The following ADGRL2 variants were observed in gnomAD, a reference collection of about 807,000 sequenced individuals.
ADGRL2 encodes the protein calcium-independent alpha-latrotoxin receptor 2.
In ADGRL2, 44 loss-of-function variants were observed where a neutral mutation model predicts 157.4. The ratio of observed to expected loss-of-function variants is 0.28; its 90% CI spans 0.22 to 0.36. The LOEUF is 0.36. ADGRL2 is among the 10% of genes least tolerant of loss of function. The probability of loss-of-function intolerance (pLI) is 1.00; values close to 1 mark genes in which losing one functional copy is unlikely to be tolerated. For missense variants in ADGRL2, 1,510 were observed against 1,768.9 expected, an observed-to-expected ratio of 0.85 and a Z score of 2.63; for synonymous variants, 585 against 624.7, an observed-to-expected ratio of 0.94 and a Z score of 0.95.
chr1:81,447,218 T>G (rs2101713925), intron 2 of ADGRL2, among the ~76,000 whole-genome samples: 1 of 152,190 alleles, frequency 6.6e-6, no homozygotes, highest in South Asian at 2.1e-4. Flanking sequence ...CTTACGTGAA[T>G]TTTTTTCTTT....
chr1:81,532,965 TATCTATC>T (rs1387038718), intron 2 of ADGRL2, among the ~76,000 whole-genome samples: 2 of 150,060 alleles, frequency 1.3e-5, no homozygotes, highest in Middle Eastern at 3.2e-3. Context: ...TCTATCTATC[TATCTATC>T]ATCTATCTAT....
At chr1:81,461,770 A>G (rs1371819898) in intron 2 of ADGRL2, among the ~76,000 whole-genome samples, 1 of 152,196 alleles carries the variant, frequency 6.6e-6, no homozygotes, top group Non-Finnish European at 1.5e-5. Flanking sequence ...ATAGCTCTGT[A>G]AAACAGGCCA....
intron 2 of ADGRL2, among the ~76,000 whole-genome samples, chr1:81,498,822 T>C (rs1389174738): frequency 6.6e-6 from 1 of 152,166 alleles, no homozygotes; most frequent in Non-Finnish European, 1.5e-5. Flanking sequence ...CTTTAAATAT[T>C]TGCGTTGAGC....
chr1:81,401,822 C>T (rs899424100), intron 1 of ADGRL2, among the ~76,000 whole-genome samples: 4 of 152,198 alleles, frequency 2.6e-5, no homozygotes, highest in Admixed American at 6.5e-5. Context: ...TAAGTGTGTC[C>T]CATTTTTAAC....
intron 1 of ADGRL2, among the ~76,000 whole-genome samples, chr1:81,328,775 T>C (rs1661070225): frequency 6.6e-6 from 1 of 152,044 alleles, no homozygotes; most frequent in African/African-American, 2.4e-5. Flanking sequence ...ACAAATAAGC[T>C]AGCTCTAGCC....
At chr1:81,434,425 GTCTC>G (rs2077374634) in intron 1 of ADGRL2, among the ~76,000 whole-genome samples, 1 of 151,772 alleles carries the variant, frequency 6.6e-6, no homozygotes, top group Admixed American at 6.6e-5. Context: ...TGTGTTTATT[GTCTC>G]TCTCTCCTAC....
chr1:81,449,729 G>A (rs772314951), intron 2 of ADGRL2, among the ~76,000 whole-genome samples: 14 of 152,092 alleles, frequency 9.2e-5, no homozygotes, highest in Non-Finnish European at 1.9e-4. Flanking sequence ...AGCCTCCCGA[G>A]TAGCTGGGAC....
intron 3 of ADGRL2, among the ~76,000 whole-genome samples, chr1:81,676,003 T>G (rs922703362): frequency 3.3e-5 from 5 of 151,932 alleles, no homozygotes; most frequent in Admixed American, 6.5e-5. Flanking sequence ...TTTGTCTTGT[T>G]TTTTGTTTTT....
At chr1:81,499,191 G>T (rs77078170) in intron 2 of ADGRL2, among the ~76,000 whole-genome samples, 1 of 152,220 alleles carries the variant, frequency 6.6e-6, no homozygotes, top group Non-Finnish European at 1.5e-5. Flanking sequence ...ACATGTATTC[G>T]AGAAGTAAAT....
At chr1:81,648,873 G>C (rs1180194346) in intron 3 of ADGRL2, among the ~76,000 whole-genome samples, 1 of 152,144 alleles carries the variant, frequency 6.6e-6, no homozygotes, top group African/African-American at 2.4e-5. Context: ...CACTCCCAGG[G>C]ACTTTAACTC....
intron 1 of ADGRL2, among the ~76,000 whole-genome samples, chr1:81,353,005 C>T (rs1309157497): frequency 2.6e-5 from 4 of 152,122 alleles, no homozygotes; most frequent in East Asian, 3.9e-4. Flanking sequence ...GGTGAAAAAG[C>T]GTTGGAGGTA....
intron 1 of ADGRL2, among the ~76,000 whole-genome samples, chr1:81,429,985 C>A (rs1466245700): frequency 6.6e-6 from 1 of 152,188 alleles, no homozygotes; most frequent in African/African-American, 2.4e-5. Context: ...CCTCCGCCTC[C>A]TGGGTTCAAG....
At chr1:81,390,573 C>T (rs1328857397) in intron 1 of ADGRL2, among the ~76,000 whole-genome samples, 14 of 151,540 alleles carry the variant, frequency 9.2e-5, no homozygotes, top group Admixed American at 9.2e-4. Context: ...AAATGCCCTC[C>T]CTCCTATCAT....
intron 2 of ADGRL2, among the ~76,000 whole-genome samples, chr1:81,470,588 G>A (rs971918694): frequency 6.6e-6 from 1 of 152,096 alleles, no homozygotes; most frequent in Non-Finnish European, 1.5e-5. Flanking sequence ...TCTTTCGGAG[G>A]CAAAGAAACA....
intron 1 of ADGRL2, among the ~76,000 whole-genome samples, chr1:81,397,701 T>A (rs1557658282): frequency 6.6e-6 from 1 of 152,192 alleles, no homozygotes; most frequent in Non-Finnish European, 1.5e-5. Flanking sequence ...TTGAATTCTT[T>A]TAAATTTGTT....
chr1:81,698,489 T>C (rs72718829), upstream of ADGRL2, among the ~76,000 whole-genome samples: 2,681 of 152,320 alleles, frequency 0.018, 33 homozygotes, highest in South Asian at 0.054. Context: ...GTCAATCTTG[T>C]GCCAGATGTG....
At chr1:81,570,127 C>A (rs927246661) in intron 2 of ADGRL2, among the ~76,000 whole-genome samples, 11 of 152,144 alleles carry the variant, frequency 7.2e-5, no homozygotes, top group Admixed American at 2.6e-4. Context: ...ATTGGTTACA[C>A]AAATCAGCCC....
At chr1:81,314,140 T>C (rs1659947074) in intron 1 of ADGRL2, among the ~76,000 whole-genome samples, 1 of 152,218 alleles carries the variant, frequency 6.6e-6, no homozygotes, top group African/African-American at 2.4e-5. Flanking sequence ...AAGTACATGC[T>C]TGTGCCAGGT....
At chr1:81,485,773 T>C (rs1021335805) in intron 2 of ADGRL2, among the ~76,000 whole-genome samples, 1 of 152,110 alleles carries the variant, frequency 6.6e-6, no homozygotes, top group Non-Finnish European at 1.5e-5. Flanking sequence ...GAGAGCCAGA[T>C]CCACTCAAGT....
Sources: gnomAD v4.1 joint callset for allele counts (sites outside exome capture counted in the v4.1 genomes callset) on GRCh38, gnomAD v4.1.1 for gene constraint, MANE v1.5 for transcripts, NCBI Gene and HGNC (gene_info 2026-07-23, HGNC 2026-07-21) for gene names.